GTF2A1L: variants seen among roughly 807,000 people sequenced by gnomAD.
GTF2A1L encodes the protein general transcription factor IIA subunit 1 like, also known as TFIIA-alpha and beta-like factor.
In GTF2A1L, 48 loss-of-function variants were observed where a neutral mutation model predicts 49.7. That is an observed-to-expected ratio of 0.97 (90% confidence interval 0.77 to 1.23). The LOEUF is 1.23. Among genes scored for constraint, GTF2A1L ranks in the 50% most tolerant of loss-of-function variants. GTF2A1L has a pLI of 0.00. For missense variants in GTF2A1L, 736 were observed against 564.8 expected, an observed-to-expected ratio of 1.30 and a Z score of -3.07; for synonymous variants, 246 against 193.5, an observed-to-expected ratio of 1.27 and a Z score of -2.25.
intron 3 of GTF2A1L, 94 bp downstream of exon 3, chr2:48,621,384 G>A: frequency 3.2e-6 from 5 of 1,554,390 alleles, no homozygotes; most frequent in Non-Finnish European, 4.4e-6. Flanking sequence ...ATGTTCTTAG[G>A]GTGAGAAGGC....
At chr2:48,670,016 T>C (rs1443370636) in intron 7 of GTF2A1L, 34 bp downstream of exon 7, 1 of 1,572,244 alleles carries the variant, frequency 6.4e-7, no homozygotes, top group Non-Finnish European at 8.6e-7. Context: ...ACTTCCTTTA[T>C]TAATTTATAA....
chr2:48,666,017 G>A (rs945893904), intron 6 of GTF2A1L, among the ~76,000 whole-genome samples: 36 of 151,812 alleles, frequency 2.4e-4, no homozygotes, highest in Non-Finnish European at 3.8e-4. Flanking sequence ...ATCTTCAATC[G>A]ATCCCTTTAT....
In GTF2A1L at chr2:48,646,443, C is replaced by T. The variant is rs12988176; in HGVS notation, c.389-10C>T. ...TATTATACTTACAATTTTGCTTTCT[C>T]CTTTTTAAGGTCACCTTTATAAAGT... is the stretch of plus-strand genomic sequence containing the variant. On this transcript the variant is annotated splice_polypyrimidine_tract_variant and intron_variant, in intron 5 of 8. Coordinates refer to ENST00000403751, the MANE Select transcript of GTF2A1L (RefSeq NM_006872.5). 178,688 of 1,524,990 alleles carry T rather than the reference C, an allele frequency of 0.12. 11,345 individuals carry two copies. Among genetic ancestry groups the T allele is most frequent in the African/African-American group, 0.23 (16,271 of 71,034 alleles). 94.5% of individuals were successfully genotyped at this position (1,524,990 alleles called of 1,614,324 possible). A position where few individuals can be genotyped will look rare whatever the true frequency, so the allele number is the denominator to read the frequency against.
intron 6 of GTF2A1L, among the ~76,000 whole-genome samples, chr2:48,663,636 A>C (rs540127852): frequency 3.2e-4 from 49 of 152,264 alleles, no homozygotes; most frequent in South Asian, 6.2e-4. Context: ...AACATTTAAA[A>C]ATTTTTTTTA....
intron 3 of GTF2A1L, among the ~76,000 whole-genome samples, chr2:48,628,293 A>G (rs769626301): frequency 6.9e-6 from 1 of 144,018 alleles, no homozygotes; most frequent in African/African-American, 2.5e-5. Flanking sequence ...TCTTAGGGAA[A>G]TCTCCAAACT....
At chr2:48,645,529 A>T (rs1427376999) in intron 5 of GTF2A1L, among the ~76,000 whole-genome samples, 7 of 152,286 alleles carry the variant, frequency 4.6e-5, no homozygotes, top group African/African-American at 1.7e-4. Context: ...AGGACATCCA[A>T]TAGTTTGGAG....
At chr2:48,623,789 C>T (rs1676144864) in intron 3 of GTF2A1L, among the ~76,000 whole-genome samples, 1 of 152,062 alleles carries the variant, frequency 6.6e-6, no homozygotes, top group Non-Finnish European at 1.5e-5. Context: ...GGGCCATTAT[C>T]CTAAGTGAAT....
At chr2:48,637,915 A>G (rs1676993332) in intron 3 of GTF2A1L, among the ~76,000 whole-genome samples, 2 of 152,202 alleles carry the variant, frequency 1.3e-5, no homozygotes, top group African/African-American at 4.8e-5. Flanking sequence ...ACCCCACAGA[A>G]ATAAAAATAA....
chr2:48,636,063 G>A (rs563307951), intron 3 of GTF2A1L, among the ~76,000 whole-genome samples: 21 of 152,116 alleles, frequency 1.4e-4, no homozygotes, highest in South Asian at 6.2e-4. Context: ...CAGGATTCTC[G>A]TCTTTGGGAT....
intron 6 of GTF2A1L, among the ~76,000 whole-genome samples, chr2:48,667,662 A>G (rs1014940741): frequency 4.6e-5 from 7 of 152,288 alleles, no homozygotes; most frequent in Middle Eastern, 3.4e-3. Flanking sequence ...TCTGTTTCCA[A>G]TGTAGTAAAA....
intron 6 of GTF2A1L, among the ~76,000 whole-genome samples, chr2:48,668,070 C>T (rs1479372159): frequency 1.3e-5 from 2 of 152,146 alleles, no homozygotes; most frequent in Non-Finnish European, 2.9e-5. Context: ...TTCATAGCCC[C>T]TGGTAACCTT....
chr2:48,651,127 A>AG (rs1677822472), intron 6 of GTF2A1L, among the ~76,000 whole-genome samples: 1 of 152,176 alleles, frequency 6.6e-6, no homozygotes, highest in African/African-American at 2.4e-5. Flanking sequence ...TGTACTACCC[A>AG]GTCACAGAAG....
At chr2:48,674,093 C>A (rs185581145) in intron 8 of GTF2A1L, among the ~76,000 whole-genome samples, 2 of 152,084 alleles carry the variant, frequency 1.3e-5, no homozygotes, top group African/African-American at 2.4e-5. Context: ...CAGGTTTTTG[C>A]GTGGACATAT....
intron 3 of GTF2A1L, among the ~76,000 whole-genome samples, chr2:48,627,813 A>T (rs1676367684): frequency 7.0e-6 from 1 of 143,408 alleles, no homozygotes; most frequent in South Asian, 2.4e-4. Flanking sequence ...GTACAAATGC[A>T]TAGTACCCCC....
chr2:48,676,228 A>G (rs937485654), intron 8 of GTF2A1L, among the ~76,000 whole-genome samples: 9 of 151,844 alleles, frequency 5.9e-5, no homozygotes, highest in African/African-American at 2.2e-4. Flanking sequence ...ATAATATCCT[A>G]TTGTAGGATT....
intron 3 of GTF2A1L, among the ~76,000 whole-genome samples, chr2:48,622,222 C>A (rs1676039962): frequency 6.6e-6 from 1 of 152,172 alleles, no homozygotes. Context: ...TTACATGTGG[C>A]AGCAATTCTA....
chr2:48,666,571 A>G (rs1345037438), intron 6 of GTF2A1L, among the ~76,000 whole-genome samples: 4 of 148,448 alleles, frequency 2.7e-5, no homozygotes, highest in Non-Finnish European at 5.9e-5. Context: ...ATAGTTATTA[A>G]TCAACTTGTC....
At chr2:48,664,498 T>C (rs893326980) in intron 6 of GTF2A1L, among the ~76,000 whole-genome samples, 3 of 152,170 alleles carry the variant, frequency 2.0e-5, no homozygotes, top group Non-Finnish European at 4.4e-5. Flanking sequence ...TTTTTGCTTC[T>C]ATGTTCATGA....
chr2:48,644,162 C>A (rs1009360673), intron 4 of GTF2A1L, among the ~76,000 whole-genome samples: 6 of 151,942 alleles, frequency 3.9e-5, no homozygotes, highest in African/African-American at 1.2e-4. Flanking sequence ...CAGAATGAAA[C>A]CCTGTCTCTT....
Sources: allele counts gnomAD v4.1 joint callset (sites outside exome capture counted in the v4.1 genomes callset), GRCh38; gene constraint gnomAD v4.1.1; transcripts MANE v1.5; gene names NCBI Gene and HGNC (gene_info 2026-07-23, HGNC 2026-07-21).